The following LDB2 variants were observed in gnomAD, a reference collection of about 807,000 sequenced individuals.
The protein encoded by LDB2 is LIM domain binding 2, also known as LIM domain-binding protein 2.
LDB2 carries 12 observed loss-of-function variants against 44.3 expected under a neutral mutation model. The ratio of observed to expected loss-of-function variants is 0.27; its 90% CI spans 0.17 to 0.44. The LOEUF is 0.44. Among genes scored for constraint, LDB2 ranks in the 20% least tolerant of loss-of-function variants. The probability of loss-of-function intolerance (pLI) is 1.00; values close to 1 mark genes in which losing one functional copy is unlikely to be tolerated. For missense variants in LDB2, 344 were observed against 473.5 expected, an observed-to-expected ratio of 0.73 and a Z score of 2.54; for synonymous variants, 164 against 174.8, an observed-to-expected ratio of 0.94 and a Z score of 0.49.
chr4:16,543,719 G>A (rs993019739), intron 5 of LDB2, among the ~76,000 whole-genome samples: 1 of 152,106 alleles, frequency 6.6e-6, no homozygotes, highest in African/African-American at 2.4e-5. Flanking sequence ...GACTTCATGA[G>A]TAAAACACCA....
chr4:16,691,443 T>C lies in LDB2; in HGVS notation c.235+67715A>G, dbSNP rs183082884. ...TAGGCTATTCTGTAAATAAGGACTA[T>C]GCACTATTAGAGGCATTTATATAAT... On this transcript the variant is annotated intron_variant, in intron 2 of 7. Transcript: ENST00000304523. 2.3e-3 allele frequency among the ~76,000 whole-genome samples: 345 copies of C among 152,338 alleles called. 4 individuals are homozygous for C. Among genetic ancestry groups the C allele is most frequent in the East Asian group, 6.0e-3 (31 of 5,176 alleles).
intron 5 of LDB2, among the ~76,000 whole-genome samples, chr4:16,524,492 G>A (rs1013231152): frequency 6.6e-6 from 1 of 152,146 alleles, no homozygotes; most frequent in African/African-American, 2.4e-5. Flanking sequence ...GAATGCAAGA[G>A]AACAGGGCAT....
At chr4:16,842,386 TA>T (rs1485693280) in intron 1 of LDB2, among the ~76,000 whole-genome samples, 1 of 152,094 alleles carries the variant, frequency 6.6e-6, no homozygotes. Flanking sequence ...CAGAAGAAAC[TA>T]ATTTACAAAA....
chr4:16,882,945 G>T (rs966263768), intron 1 of LDB2, among the ~76,000 whole-genome samples: 1 of 152,134 alleles, frequency 6.6e-6, no homozygotes, highest in Non-Finnish European at 1.5e-5. Flanking sequence ...AAAAACTGGT[G>T]ATGCAGGGCA....
chr4:16,833,453 T>C (rs1784369426), intron 1 of LDB2, among the ~76,000 whole-genome samples: 1 of 152,210 alleles, frequency 6.6e-6, no homozygotes, highest in Non-Finnish European at 1.5e-5. Flanking sequence ...GTATACTTAT[T>C]GAGTGTCAGT....
intron 5 of LDB2, among the ~76,000 whole-genome samples, chr4:16,572,531 T>C (rs1229218089): frequency 6.6e-6 from 1 of 152,222 alleles, no homozygotes; most frequent in African/African-American, 2.4e-5. Context: ...ATTGCTCTGC[T>C]GAAATACTGT....
intron 1 of LDB2, among the ~76,000 whole-genome samples, chr4:16,887,847 C>T (rs756156740): frequency 2.6e-5 from 4 of 151,864 alleles, no homozygotes; most frequent in African/African-American, 7.3e-5. Flanking sequence ...GTATGTAATC[C>T]GAAGAATTCC....
At chr4:16,785,248 A>G (rs892484757) in intron 1 of LDB2, among the ~76,000 whole-genome samples, 4 of 152,090 alleles carry the variant, frequency 2.6e-5, no homozygotes, top group Non-Finnish European at 5.9e-5. Flanking sequence ...CCTCCATCCA[A>G]CAGTTTGGAA....
chr4:16,668,883 A>G lies in LDB2; in HGVS notation c.236-73008T>C, dbSNP rs180884088. Among the ~76,000 whole-genome samples, 7 of 152,282 alleles carry G rather than the reference A, an allele frequency of 4.6e-5. No homozygotes were observed. In the East Asian group the frequency reaches 1.4e-3, roughly 30 times the overall value. On this transcript the variant is annotated intron_variant, in intron 2 of 7. Transcript: ENST00000304523. Reference sequence around the variant, plus strand: ...GTGACTCCCCCAGTGCTTAGGACCTACATTCTGGCTCCCTATTTGGAGTGG... The same window carrying G: ...GTGACTCCCCCAGTGCTTAGGACCTGCATTCTGGCTCCCTATTTGGAGTGG...
chr4:16,815,751 A>C (rs1365741722), intron 1 of LDB2, among the ~76,000 whole-genome samples: 1 of 152,202 alleles, frequency 6.6e-6, no homozygotes, highest in East Asian at 1.9e-4. Flanking sequence ...GTAAGATGAC[A>C]AAGTTGTGAC....
Position 16,657,415 on chromosome 4 carries a change from T to G in LDB2, c.236-61540A>C, listed in dbSNP as rs146469218. On this transcript the variant is annotated intron_variant, in intron 2 of 7. Coordinates refer to ENST00000304523, the MANE Select transcript of LDB2 (RefSeq NM_001290.5). Reference sequence around the variant, plus strand: ...CTAATTGGTCGTGATGAACTAAAATTTAAAATTCACCAGTCACCACCTAAC... The same window carrying G: ...CTAATTGGTCGTGATGAACTAAAATGTAAAATTCACCAGTCACCACCTAAC... Among the ~76,000 whole-genome samples the G allele has an allele frequency of 1.9e-3, 283 of 152,288 alleles. 2 individuals carry two copies. The highest frequency in any genetic ancestry group is 6.5e-3 in the African/African-American group (270 of 41,558).
rs546334489 is a variant in LDB2, at chr4:16,842,352, A to G, written c.132+56002T>C. Among the ~76,000 whole-genome samples the G allele has an allele frequency of 2.0e-5, 3 of 152,314 alleles. No individual in the cohort carries two copies. In the South Asian group the frequency reaches 6.2e-4, roughly 32 times the overall value. On this transcript the variant is annotated intron_variant, in intron 1 of 7. Coordinates refer to ENST00000304523, the MANE Select transcript of LDB2 (RefSeq NM_001290.5). The stretch of plus-strand genomic sequence containing the variant: ...AGAATGTCAGAGAGAGAAACGGAGA[A>G]AGAGCAAAAGGAAGTCAACCTAGCA...
At chr4:16,709,057 G>T (rs1332245307) in intron 2 of LDB2, among the ~76,000 whole-genome samples, 1 of 150,828 alleles carries the variant, frequency 6.6e-6, no homozygotes, top group African/African-American at 2.4e-5. Context: ...TCAGCATCAG[G>T]CTTGGGTAGA....
At chr4:16,859,246 A>G (rs530486745) in intron 1 of LDB2, among the ~76,000 whole-genome samples, 3 of 152,192 alleles carry the variant, frequency 2.0e-5, no homozygotes, top group Admixed American at 6.5e-5. Flanking sequence ...AAAAAGAAAA[A>G]TGACTTGTCC....
chr4:16,694,000 C>T (rs114446807), intron 2 of LDB2, among the ~76,000 whole-genome samples: 158 of 152,268 alleles, frequency 1.0e-3, no homozygotes, highest in African/African-American at 3.5e-3. Context: ...TGTTGTCGCT[C>T]CTCCTGGTTG....
chr4:16,605,480 C>CA (rs199529054), intron 2 of LDB2, among the ~76,000 whole-genome samples: 1,953 of 149,358 alleles, frequency 0.013, 28 homozygotes, highest in Non-Finnish European at 0.02. Flanking sequence ...AACAAAAAAA[C>CA]AAAAAAAACA....
chr4:16,669,624 A>G (rs538544803), intron 2 of LDB2, among the ~76,000 whole-genome samples: 23 of 152,362 alleles, frequency 1.5e-4, no homozygotes, highest in African/African-American at 5.5e-4. Context: ...TCTCTATTTT[A>G]TGGAAAACAC....
intron 5 of LDB2, among the ~76,000 whole-genome samples, chr4:16,575,490 C>T (rs566088957): frequency 6.6e-6 from 1 of 152,314 alleles, no homozygotes; most frequent in East Asian, 1.9e-4. Context: ...CATCCAAAGG[C>T]TGTAGAATGC....
intron 2 of LDB2, among the ~76,000 whole-genome samples, chr4:16,709,570 G>C (rs1193536679): frequency 6.6e-6 from 1 of 152,164 alleles, no homozygotes; most frequent in African/African-American, 2.4e-5. Flanking sequence ...GATATTTGTA[G>C]GGTAAGAACC....
Sources: allele counts gnomAD v4.1 joint callset (sites outside exome capture counted in the v4.1 genomes callset), GRCh38; gene constraint gnomAD v4.1.1; transcripts MANE v1.5; gene names NCBI Gene and HGNC (gene_info 2026-07-23, HGNC 2026-07-21).